Variants in PDCD5 observed in about 807,000 individuals in gnomAD.
PDCD5 encodes the protein programmed cell death protein 5.
Under a neutral mutation model 21.9 loss-of-function variants are expected in PDCD5, and 23 were observed. That is an observed-to-expected ratio of 1.05 (90% confidence interval 0.76 to 1.49). PDCD5 has a LOEUF of 1.49. PDCD5 is among the 40% of genes most tolerant of loss of function. The pLI is 0.00. For missense variants in PDCD5, 152 were observed against 147.7 expected (o/e 1.03, Z -0.15); for synonymous variants, 45 against 49.4 (o/e 0.91, Z 0.37).
Position 32,584,933 on chromosome 19 carries a change from CTA to C in PDCD5, c.105-15_105-14del. On this transcript the variant is annotated splice_polypyrimidine_tract_variant and intron_variant, in intron 2 of 5. Transcript: ENST00000590247. ...CAGCTGTGTTTTAATTGTGTTTGAC[CTA>C]TGTTTTCGTTGTAGGGAAGCAGAAA... 2 of 1,607,472 alleles carry C rather than the reference CTA, an allele frequency of 1.2e-6. No homozygotes were observed. Among genetic ancestry groups the C allele is most frequent in the Non-Finnish European group, 1.7e-6 (2 of 1,173,904 alleles).
chr19:32,587,199 TC>T (rs1209782292), intron 5 of PDCD5, 53 bp from the exon 6 acceptor site: 1 of 1,342,416 alleles, frequency 7.4e-7, no homozygotes, highest in Non-Finnish European at 1.1e-6. Flanking sequence ...TCTCGGAAAA[TC>T]TGAGTTATGC....
At chr19:32,583,982 C>T (rs1464515491) in intron 2 of PDCD5, among the ~76,000 whole-genome samples, 7 of 152,114 alleles carry the variant, frequency 4.6e-5, no homozygotes, top group Admixed American at 2.0e-4. Flanking sequence ...CAGGCACCCG[C>T]CACCATGCCC....
intron 2 of PDCD5, among the ~76,000 whole-genome samples, chr19:32,582,702 TG>T: frequency 6.6e-6 from 1 of 152,328 alleles, no homozygotes; most frequent in Admixed American, 6.5e-5. Context: ...TTAAAAATTG[TG>T]GTTAAATAAA....
chr19:32,586,644 C>A (rs780005130), intron 4 of PDCD5: 268 of 1,278,424 alleles, frequency 2.1e-4, no homozygotes, highest in Non-Finnish European at 2.5e-4. Context: ...ATGGATACTT[C>A]CCCCTCCTTC....
chr19:32,581,331 A>G lies in PDCD5; in HGVS notation c.66+4A>G. The G allele has an allele frequency of 1.3e-6, 2 of 1,506,254 alleles. No individual in the cohort carries two copies. Among genetic ancestry groups the G allele is most frequent in the East Asian group, 5.5e-5 (2 of 36,606 alleles). 93.3% of individuals were successfully genotyped at this position (1,506,254 alleles called of 1,614,324 possible). Reference sequence around the variant, plus strand: ...CGAGCTGCAGGCCAAACACGGGGTGAGCGCATCAGCCCCCGCCAGGCTTGG... The same window carrying G: ...CGAGCTGCAGGCCAAACACGGGGTGGGCGCATCAGCCCCCGCCAGGCTTGG... On this transcript the variant is annotated splice_donor_region_variant and intron_variant, in intron 1 of 5. Coordinates refer to ENST00000590247, the MANE Select transcript of PDCD5 (RefSeq NM_004708.4).
chr19:32,584,973 T>G lies in PDCD5; in HGVS notation c.128T>G (p.Ile43Ser). Residue 43 changes from isoleucine to serine, a missense_variant, in exon 3 of 6, where the codon ATC becomes AGC. Transcript: ENST00000590247. ...KHREAEMRNS[I>S]LAQVLDQSAR... ...AGGGAAGCAGAAATGAGAAACAGTA[T>G]CTTAGCCCAAGTTCTGGATCAGTCG... 6.2e-7 allele frequency: 1 copy of G among 1,613,994 alleles called. No homozygotes were observed. Among genetic ancestry groups the G allele is most frequent in the Non-Finnish European group, 8.5e-7 (1 of 1,179,838 alleles).
rs1568388751 is a variant in PDCD5, at chr19:32,587,231, ACT to A, written c.331-20_331-19del. ...TATGCTTTATTAGAAATGTTCTGAC[ACT>A]CATTTAATTTTCCTCCCAGTTCAAC... On this transcript the variant is annotated intron_variant, in intron 5 of 5. Transcript: ENST00000590247. 6.5e-7 allele frequency: 1 copy of A among 1,533,662 alleles called. No individual in the cohort carries two copies. The highest frequency in any genetic ancestry group is 1.7e-5 in the Admixed American group (1 of 58,260).
chr19:32,583,132 T>C (rs151038524), intron 2 of PDCD5, among the ~76,000 whole-genome samples: 16 of 152,324 alleles, frequency 1.1e-4, no homozygotes, highest in African/African-American at 2.6e-4. Flanking sequence ...TCTGAGACCA[T>C]TGAAAGTTAA....
intron 3 of PDCD5, 98 bp downstream of exon 3, chr19:32,585,109 T>C: frequency 1.1e-6 from 1 of 908,904 alleles, no homozygotes. Flanking sequence ...AATATTTGCT[T>C]AGGCTGAAAA....
intron 1 of PDCD5, chr19:32,581,749 G>C (rs1971428505): frequency 4.7e-6 from 1 of 214,030 alleles, no homozygotes; most frequent in Non-Finnish European, 9.1e-6. Flanking sequence ...GGCAGGGTCG[G>C]AGGAACGCTT....
At chr19:32,587,220 A>G (rs555186645) in intron 5 of PDCD5, 33 bp from the exon 6 acceptor site, 17 of 1,477,000 alleles carry the variant, frequency 1.2e-5, no homozygotes, top group Non-Finnish European at 1.6e-5. Flanking sequence ...CTTTATTAGA[A>G]ATGTTCTGAC....
At chr19:32,581,615 G>A (rs866938462) in intron 1 of PDCD5, 96 of 318,942 alleles carry the variant, frequency 3.0e-4, no homozygotes, top group African/African-American at 2.1e-3. Context: ...CTGGATCCAA[G>A]CACAATCTCA....
intron 4 of PDCD5, chr19:32,586,525 C>G (rs1205559330): frequency 3.6e-6 from 4 of 1,117,306 alleles, no homozygotes; most frequent in African/African-American, 3.3e-5. Flanking sequence ...AGTGGTGTGT[C>G]TATTCCTGAC....
chr19:32,585,944 C>G, intron 4 of PDCD5, 37 bp downstream of exon 4: 1 of 1,613,992 alleles, frequency 6.2e-7, no homozygotes, highest in Non-Finnish European at 8.5e-7. Context: ...TTACTGTTAC[C>G]TGCTTTATCA....
chr19:32,582,136 C>T, intron 1 of PDCD5, 59 bp from the exon 2 acceptor site: 1 of 1,217,400 alleles, frequency 8.2e-7, no homozygotes, highest in Non-Finnish European at 1.2e-6. Context: ...CAGAACCGTT[C>T]CTTTTTCCCG....
intron 2 of PDCD5, 139 bp downstream of exon 2, chr19:32,582,371 G>T (rs2145238037): frequency 2.9e-6 from 2 of 700,168 alleles, no homozygotes; most frequent in Non-Finnish European, 5.1e-6. Context: ...CATCCGCAGG[G>T]TATCTTCATT....
At position 32,581,323 on chromosome 19, in the gene PDCD5, A is replaced by G; in HGVS notation, c.62A>G (p.His21Arg). 6.6e-7 allele frequency: 1 copy of G among 1,515,090 alleles called. No individual in the cohort carries two copies. Among genetic ancestry groups the G allele is most frequent in the South Asian group, 1.2e-5 (1 of 80,768 alleles). The allele number at this position is 1,515,090 out of a possible 1,614,324, so 93.9% of individuals were successfully genotyped here. A position where few individuals can be genotyped will look rare whatever the true frequency, so the allele number is the denominator to read the frequency against. The change falls in exon 1 of 6, where the codon CAC (histidine) becomes CGC (arginine). Residue 21 changes from histidine to arginine, a missense_variant. Transcript: ENST00000590247. ...RQRLAELQAK[H>R]GDPGDAAQQE... ...AGGCTGGCCGAGCTGCAGGCCAAAC[A>G]CGGGGTGAGCGCATCAGCCCCCGCC...
Position 32,585,022 on chromosome 19 carries a change from T to G in PDCD5, c.166+11T>G. 1.2e-6 allele frequency: 2 copies of G among 1,605,432 alleles called. No homozygotes were observed. Among genetic ancestry groups the G allele is most frequent in the Non-Finnish European group, 8.5e-7 (1 of 1,172,056 alleles). ...CGGCCCGGGCCAGGTGTAAGCATCT[T>G]TGATTTCATTTCCATAAAGTTAGCT... On this transcript the variant is annotated intron_variant, in intron 3 of 5. Coordinates refer to ENST00000590247, the MANE Select transcript of PDCD5 (RefSeq NM_004708.4).
At chr19:32,582,980 C>T (rs981750511) in intron 2 of PDCD5, among the ~76,000 whole-genome samples, 2 of 152,300 alleles carry the variant, frequency 1.3e-5, no homozygotes, top group East Asian at 1.9e-4. Flanking sequence ...AGTAAAACGA[C>T]GCAAATTTCA....
Sources: gnomAD v4.1 joint callset for allele counts (sites outside exome capture counted in the v4.1 genomes callset) on GRCh38, gnomAD v4.1.1 for gene constraint, MANE v1.5 for transcripts, NCBI Gene and HGNC (gene_info 2026-07-23, HGNC 2026-07-21) for gene names.